SFMBT2: variants seen among roughly 807,000 people sequenced by gnomAD.
SFMBT2 encodes scm-like with four MBT domains protein 2.
In SFMBT2, 38 loss-of-function variants were observed where a neutral mutation model predicts 110.1. The observed-to-expected ratio is 0.35, with a 90% CI of 0.27 to 0.45. SFMBT2 has a LOEUF of 0.45. Ranked by LOEUF, SFMBT2 falls within the 20% of genes least tolerant of loss-of-function variation. The pLI is 1.00. For missense variants in SFMBT2, 1,011 were observed against 1,094.9 expected (o/e 0.92, Z 1.08); for synonymous variants, 425 against 425.4 (o/e 1.00, Z 0.01).
At chr10:7,322,300 G>A (rs929755204) in intron 4 of SFMBT2, among the ~76,000 whole-genome samples, 2 of 152,058 alleles carry the variant, frequency 1.3e-5, no homozygotes, top group African/African-American at 2.4e-5. Context: ...TGATTGTGAG[G>A]CCTCCCCAGC....
Position 7,260,922 on chromosome 10 carries a change from C to T in SFMBT2, c.871-12273G>A, listed in dbSNP as rs560768458. 6.6e-5 allele frequency among the ~76,000 whole-genome samples: 10 copies of T among 151,874 alleles called. No individual in the cohort carries two copies. The South Asian group carries it at 1.5e-3, about 22-fold the overall frequency. ...CTTTGTTATAATAATACTGAGTTTG[C>T]GCAGTCTTTAAATACCCCAGTTTAA... On this transcript the variant is annotated intron_variant, in intron 7 of 20. Coordinates refer to ENST00000397167, the MANE Select transcript of SFMBT2 (RefSeq NM_001387889.1).
chr10:7,181,353 T>G (rs1724184449), intron 16 of SFMBT2, among the ~76,000 whole-genome samples: 1 of 152,118 alleles, frequency 6.6e-6, no homozygotes, highest in Non-Finnish European at 1.5e-5. Context: ...CTGCAAGTAT[T>G]CCAAAAGCTG....
Position 7,165,024 on chromosome 10 carries a change from T to C in SFMBT2, c.2545-1114A>G, listed in dbSNP as rs985858285. Among the ~76,000 whole-genome samples the C allele has an allele frequency of 2.0e-5, 3 of 152,290 alleles. No individual in the cohort carries two copies. The East Asian group carries it at 5.8e-4, about 29-fold the overall frequency. ...TTCAGCAGCTTGCTTCCTATAGTAA[T>C]CTGGTTCATTCACATAGATGTCATT... On this transcript the variant is annotated intron_variant, in intron 20 of 20. Transcript: ENST00000397167.
chr10:7,407,824 C>G (rs1038150383), intron 1 of SFMBT2, among the ~76,000 whole-genome samples: 1 of 152,334 alleles, frequency 6.6e-6, no homozygotes, highest in East Asian at 1.9e-4. Context: ...GTGTCCGTGG[C>G]TATTGCCCCG....
intron 4 of SFMBT2, among the ~76,000 whole-genome samples, chr10:7,318,549 T>C (rs576942896): frequency 6.6e-6 from 1 of 152,318 alleles, no homozygotes; most frequent in African/African-American, 2.4e-5. Flanking sequence ...TGAAATAACA[T>C]TTACCTTTCA....
chr10:7,330,459 T>C (rs532572708), intron 4 of SFMBT2, among the ~76,000 whole-genome samples: 9 of 152,288 alleles, frequency 5.9e-5, no homozygotes, highest in Non-Finnish European at 1.2e-4. Context: ...AAACCATCTC[T>C]GGTGGCCTTA....
chr10:7,375,028 C>T (rs1564464428), intron 2 of SFMBT2, among the ~76,000 whole-genome samples: 1 of 152,224 alleles, frequency 6.6e-6, no homozygotes, highest in Non-Finnish European at 1.5e-5. Flanking sequence ...GAAATTCTGA[C>T]AATCTCCCTC....
intron 15 of SFMBT2, among the ~76,000 whole-genome samples, chr10:7,192,029 A>G (rs1838616664): frequency 6.6e-6 from 1 of 152,132 alleles, no homozygotes; most frequent in Non-Finnish European, 1.5e-5. Context: ...AGAAAATAAT[A>G]AAGAAAAGCC....
chr10:7,358,504 T>G (rs1347108895), intron 4 of SFMBT2, among the ~76,000 whole-genome samples: 2 of 148,318 alleles, frequency 1.3e-5, no homozygotes, highest in Non-Finnish European at 3.0e-5. Flanking sequence ...CTAGAACACC[T>G]GCATGGCCCT....
intron 20 of SFMBT2, among the ~76,000 whole-genome samples, chr10:7,166,871 G>A (rs1837711353): frequency 6.6e-6 from 1 of 152,220 alleles, no homozygotes; most frequent in African/African-American, 2.4e-5. Context: ...TTATCTGGAA[G>A]ACTATTTTTT....
At chr10:7,349,582 C>G (rs937238817) in intron 4 of SFMBT2, among the ~76,000 whole-genome samples, 1 of 150,782 alleles carries the variant, frequency 6.6e-6, no homozygotes, top group Non-Finnish European at 1.5e-5. Context: ...CTCAGCCTCT[C>G]GACTAGCTAG....
intron 7 of SFMBT2, among the ~76,000 whole-genome samples, chr10:7,270,742 T>G (rs1287565184): frequency 6.6e-6 from 1 of 152,158 alleles, no homozygotes; most frequent in Non-Finnish European, 1.5e-5. Flanking sequence ...TGAATTCTTA[T>G]GGGAAGAAAT....
chr10:7,320,547 AG>A, intron 4 of SFMBT2: 2 of 960,920 alleles, frequency 2.1e-6, no homozygotes, highest in Non-Finnish European at 2.5e-6. Context: ...ATTTCACTAT[AG>A]GAAGTAAGAT....
intron 1 of SFMBT2, among the ~76,000 whole-genome samples, chr10:7,390,598 T>G (rs71481718): frequency 2.6e-5 from 4 of 152,294 alleles, no homozygotes; most frequent in Non-Finnish European, 1.5e-5. Context: ...AATGTAGTCA[T>G]GTACCAAGTT....
rs1845027795 is a variant in SFMBT2, at chr10:7,370,350, A to T, written c.126T>A (p.Thr42=). 6.2e-7 allele frequency: 1 copy of T among 1,614,084 alleles called. No individual in the cohort carries two copies. The highest frequency in any genetic ancestry group is 1.1e-5 in the South Asian group (1 of 91,088). ...CCAAATATTCTCCCCAGTTAAAGCCAGTTTCCTCCAAGCTTGAGCCTTCTT... is the reference window on the plus strand; with the variant it reads ...CCAAATATTCTCCCCAGTTAAAGCCTGTTTCCTCCAAGCTTGAGCCTTCTT... The part of the protein sequence containing the change: ...DSEEGSSLEE[T]GFNWGEYLEE... Residue 42 remains threonine, a synonymous_variant, in exon 3 of 21, where the codon ACT becomes ACA. Transcript: ENST00000397167.
intron 9 of SFMBT2, among the ~76,000 whole-genome samples, chr10:7,230,443 A>G (rs1840083296): frequency 6.6e-6 from 1 of 152,204 alleles, no homozygotes; most frequent in African/African-American, 2.4e-5. Flanking sequence ...GTCTGGATCA[A>G]AGCCTCATAT....
At chr10:7,188,812 C>T in intron 15 of SFMBT2, 79 bp from the exon 16 acceptor site, 9 of 1,202,024 alleles carry the variant, frequency 7.5e-6, no homozygotes, top group Non-Finnish European at 1.1e-5. Flanking sequence ...GAAAACCACA[C>T]CACTGACATT....
At chr10:7,338,726 C>G (rs987828791) in intron 4 of SFMBT2, among the ~76,000 whole-genome samples, 1 of 152,072 alleles carries the variant, frequency 6.6e-6, no homozygotes, top group Non-Finnish European at 1.5e-5. Flanking sequence ...TCGTGTTGTT[C>G]AAGGGTTAAC....
At chr10:7,349,445 T>C (rs4002232) in intron 4 of SFMBT2, among the ~76,000 whole-genome samples, 144 of 96,668 alleles carry the variant, frequency 1.5e-3, no homozygotes, top group Middle Eastern at 4.8e-3. Context: ...CTTTTCTTTT[T>C]TTTTTTTTTT....
Sources: gnomAD v4.1 joint callset for allele counts (sites outside exome capture counted in the v4.1 genomes callset) on GRCh38, gnomAD v4.1.1 for gene constraint, MANE v1.5 for transcripts, NCBI Gene and HGNC (gene_info 2026-07-23, HGNC 2026-07-21) for gene names.